The following MALRD1 variants were observed in gnomAD, a reference collection of about 807,000 sequenced individuals.
MALRD1 encodes MAM and LDL receptor class A domain containing 1, also known as MAM and LDL-receptor class A domain-containing protein 1.
A neutral mutation model predicts 242.1 loss-of-function variants in MALRD1; 247 were observed. The observed-to-expected ratio is 1.02, with a 90% CI of 0.92 to 1.13. The LOEUF is 1.13. Among genes scored for constraint, MALRD1 ranks in the 50% most tolerant of loss-of-function variants. MALRD1 has a pLI of 0.00. For missense variants in MALRD1, 2,989 were observed against 2,533.1 expected, an observed-to-expected ratio of 1.18 and a Z score of -3.86; for synonymous variants, 995 against 866.6, an observed-to-expected ratio of 1.15 and a Z score of -2.60.
chr10:19,376,337 T>C (rs1375730233), intron 26 of MALRD1, among the ~76,000 whole-genome samples: 5 of 152,098 alleles, frequency 3.3e-5, no homozygotes, highest in African/African-American at 1.2e-4. Flanking sequence ...GCACTTGAGT[T>C]CCTGCTTCTC....
In MALRD1 at chr10:19,204,903, A is replaced by G. The variant is rs1258736403; in HGVS notation, c.2216A>G (p.Tyr739Cys). The change falls in exon 17 of 40, where the codon TAT (tyrosine) becomes TGT (cysteine). Residue 739 changes from tyrosine to cysteine, a missense_variant. By Grantham distance (194) the Tyr-to-Cys change is radical. Transcript: ENST00000454679. ...TTACGTTTACTCTTTTTTAGGTTCT[A>G]TAACTATGGCCTGTCAGTGGGAGCA... Reference protein sequence around the residue: ...GPGCILSFWFYNYGLSVGAAE... With the variant: ...GPGCILSFWFCNYGLSVGAAE... 1.8e-5 allele frequency: 28 copies of G among 1,544,192 alleles called. No individual in the cohort carries two copies. Among genetic ancestry groups the G allele is most frequent in the Non-Finnish European group, 2.4e-5 (27 of 1,143,004 alleles).
chr10:19,347,636 A>G, intron 24 of MALRD1, 135 bp from the exon 25 acceptor site: 2 of 1,029,098 alleles, frequency 1.9e-6, no homozygotes, highest in Non-Finnish European at 2.8e-6. Flanking sequence ...GTCTCTTTAT[A>G]TGTTGCTATC....
intron 26 of MALRD1, among the ~76,000 whole-genome samples, chr10:19,364,962 A>G (rs1323440666): frequency 6.6e-6 from 1 of 152,130 alleles, no homozygotes; most frequent in Non-Finnish European, 1.5e-5. Context: ...TATTATTTCA[A>G]CTGATATTTG....
intron 28 of MALRD1, among the ~76,000 whole-genome samples, chr10:19,437,124 A>T (rs1834380973): frequency 1.3e-5 from 2 of 152,170 alleles, no homozygotes; most frequent in African/African-American, 4.8e-5. Flanking sequence ...TAGCAGAAGA[A>T]AATGACAAAC....
intron 24 of MALRD1, among the ~76,000 whole-genome samples, chr10:19,335,674 C>G (rs561916470): frequency 6.6e-6 from 1 of 152,128 alleles, no homozygotes; most frequent in South Asian, 2.1e-4. Context: ...CTAAGTAAAG[C>G]TTGAACACAT....
intron 32 of MALRD1, among the ~76,000 whole-genome samples, chr10:19,553,892 C>T (rs1835600441): frequency 6.6e-6 from 1 of 152,152 alleles, no homozygotes; most frequent in East Asian, 1.9e-4. Context: ...CTCCAAGGTC[C>T]TTTCTAACTC....
chr10:19,672,269 T>C (rs1036992917), intron 36 of MALRD1, among the ~76,000 whole-genome samples: 2 of 152,012 alleles, frequency 1.3e-5, no homozygotes, highest in African/African-American at 2.4e-5. Context: ...CTTAAATCTC[T>C]CTCTCTATAT....
chr10:19,103,391 C>A (rs1836338680), intron 4 of MALRD1, among the ~76,000 whole-genome samples: 1 of 151,572 alleles, frequency 6.6e-6, no homozygotes, highest in African/African-American at 2.4e-5. Context: ...GAAACCCTGT[C>A]TCTACTAAAA....
chr10:19,171,657 T>TGTGTATATAAATA (rs1834962358), intron 13 of MALRD1, among the ~76,000 whole-genome samples: 1 of 144,690 alleles, frequency 6.9e-6, no homozygotes, highest in African/African-American at 2.5e-5. Context: ...CATATATATG[T>TGTGTATATAAATA]CTATGTGTGT....
At chr10:19,458,244 T>G (rs1455515029) in intron 29 of MALRD1, among the ~76,000 whole-genome samples, 1 of 152,214 alleles carries the variant, frequency 6.6e-6, no homozygotes, top group African/African-American at 2.4e-5. Flanking sequence ...TAGGCTTATT[T>G]GAAGTAACTA....
chr10:19,156,721 A>G (rs1401294657), intron 12 of MALRD1, among the ~76,000 whole-genome samples: 1 of 152,192 alleles, frequency 6.6e-6, no homozygotes, highest in Non-Finnish European at 1.5e-5. Flanking sequence ...TATGATTTTA[A>G]AAGGTAATCT....
At position 19,304,314 on chromosome 10, in the gene MALRD1, C is replaced by T. The variant is rs74545400; in HGVS notation, c.3420-19635C>T. Among the ~76,000 whole-genome samples the T allele has an allele frequency of 1.4e-4, 21 of 150,794 alleles. No individual in the cohort carries two copies. The East Asian group carries it at 3.9e-3, about 28-fold the overall frequency. On this transcript the variant is annotated intron_variant, in intron 21 of 39. Transcript: ENST00000454679. ...CCATAATTATGTGAGCCGATTCCCA[C>T]AATGTCTGTCTGTCTATCCCTCATC...
chr10:19,580,609 T>C (rs1365010908), intron 33 of MALRD1, among the ~76,000 whole-genome samples: 2 of 152,210 alleles, frequency 1.3e-5, no homozygotes, highest in Non-Finnish European at 2.9e-5. Context: ...CACGTATACA[T>C]ACATAAGTGC....
intron 31 of MALRD1, among the ~76,000 whole-genome samples, chr10:19,525,981 C>T (rs1371784909): frequency 1.3e-5 from 2 of 152,096 alleles, no homozygotes; most frequent in Non-Finnish European, 2.9e-5. Context: ...TTGATCTTTT[C>T]ATAGAGTCAT....
intron 35 of MALRD1, among the ~76,000 whole-genome samples, chr10:19,609,545 A>G (rs1308734293): frequency 6.6e-6 from 1 of 152,018 alleles, no homozygotes; most frequent in Non-Finnish European, 1.5e-5. Context: ...GCATCCAGTA[A>G]TTCCCATAGT....
chr10:19,446,439 G>A (rs1834985983), intron 28 of MALRD1, among the ~76,000 whole-genome samples: 1 of 152,112 alleles, frequency 6.6e-6, no homozygotes, highest in African/African-American at 2.4e-5. Context: ...TTATTTAAAT[G>A]GTTTAAAAAA....
chr10:19,366,924 GT>G (rs1449849003), intron 26 of MALRD1, among the ~76,000 whole-genome samples: 2 of 152,108 alleles, frequency 1.3e-5, no homozygotes, highest in Non-Finnish European at 2.9e-5. Context: ...GTGTCTTTAA[GT>G]TTAGCAATTC....
At chr10:19,406,684 A>G (rs1300057137) in intron 28 of MALRD1, among the ~76,000 whole-genome samples, 1 of 152,216 alleles carries the variant, frequency 6.6e-6, no homozygotes, top group Non-Finnish European at 1.5e-5. Flanking sequence ...AAGGGCATTG[A>G]GATCTGTTGA....
At chr10:19,288,123 C>G (rs1841223085) in intron 21 of MALRD1, among the ~76,000 whole-genome samples, 1 of 151,780 alleles carries the variant, frequency 6.6e-6, no homozygotes, top group Non-Finnish European at 1.5e-5. Context: ...GCCACACAGG[C>G]TGGAGTGCAG....
Sources: gnomAD v4.1 joint callset for allele counts (sites outside exome capture counted in the v4.1 genomes callset) on GRCh38, gnomAD v4.1.1 for gene constraint, MANE v1.5 for transcripts, NCBI Gene and HGNC (gene_info 2026-07-23, HGNC 2026-07-21) for gene names.